Variants in GDPD4 observed in about 807,000 individuals in gnomAD.
GDPD4 encodes the protein glycerophosphodiester phosphodiesterase 6.
In GDPD4, 60 loss-of-function variants were observed where a neutral mutation model predicts 67.8. The ratio of observed to expected loss-of-function variants is 0.88; its 90% CI spans 0.72 to 1.10. The LOEUF (loss-of-function observed/expected upper bound fraction) is 1.10. Among genes scored for constraint, GDPD4 ranks in the 50% least tolerant of loss-of-function variants. The probability of loss-of-function intolerance (pLI) is 0.00; values close to 1 mark genes in which losing one functional copy is unlikely to be tolerated. For missense variants in GDPD4, 623 were observed against 613.9 expected (o/e 1.01, Z -0.16); for synonymous variants, 212 against 210.9 (o/e 1.00, Z -0.04).
At chr11:77,251,024 G>C (rs1958884300) in intron 11 of GDPD4, among the ~76,000 whole-genome samples, 1 of 151,978 alleles carries the variant, frequency 6.6e-6, no homozygotes, top group African/African-American at 2.4e-5. Flanking sequence ...TTCACTTTCT[G>C]TCTGTATGTG....
chr11:77,271,051 C>T (rs990997427), intron 7 of GDPD4, 79 bp downstream of exon 7: 1 of 986,458 alleles, frequency 1.0e-6, no homozygotes, highest in East Asian at 2.4e-5. Flanking sequence ...AGTTCCCAAG[C>T]TTCTGTTTTC....
intron 3 of GDPD4, among the ~76,000 whole-genome samples, chr11:77,283,273 T>C (rs907784353): frequency 2.6e-5 from 4 of 152,208 alleles, no homozygotes; most frequent in Non-Finnish European, 4.4e-5. Context: ...AAAAAGTAGC[T>C]AGGGACCAGT....
chr11:77,281,355 A>G (rs1959744837), intron 3 of GDPD4, among the ~76,000 whole-genome samples: 1 of 152,096 alleles, frequency 6.6e-6, no homozygotes, highest in Non-Finnish European at 1.5e-5. Context: ...AAAAGATACC[A>G]TCGATGGTGG....
At chr11:77,286,731 G>A (rs77503169) in intron 2 of GDPD4, among the ~76,000 whole-genome samples, 11,641 of 152,230 alleles carry the variant, frequency 0.076, 737 homozygotes, top group East Asian at 0.24. Context: ...TAGTCCACGT[G>A]CCACCACTCA....
At position 77,269,971 on chromosome 11, in the gene GDPD4, G is replaced by A; in HGVS notation, c.401-11C>T. 7.0e-7 allele frequency: 1 copy of A among 1,427,996 alleles called. No individual in the cohort carries two copies. The allele number at this position is 1,427,996 out of a possible 1,614,324, so 88.5% of individuals were successfully genotyped here. A position where few individuals can be genotyped will look rare whatever the true frequency, so the allele number is the denominator to read the frequency against. On this transcript the variant is annotated splice_polypyrimidine_tract_variant and intron_variant, in intron 7 of 16. Coordinates refer to ENST00000315938, the MANE Select transcript of GDPD4 (RefSeq NM_182833.3). ...ATCTTCTCATTCTAACTAAAATTTAGAAAGTGAAAAAGAAAAGAGTTCATT... is the reference window on the plus strand; with the variant it reads ...ATCTTCTCATTCTAACTAAAATTTAAAAAGTGAAAAAGAAAAGAGTTCATT...
intron 16 of GDPD4, among the ~76,000 whole-genome samples, chr11:77,222,833 C>T (rs1198946995): frequency 6.6e-6 from 1 of 152,192 alleles, no homozygotes; most frequent in East Asian, 1.9e-4. Context: ...TGTTTTCTAA[C>T]TTGGTTCCAT....
At chr11:77,231,933 G>A (rs1379872571) in intron 14 of GDPD4, among the ~76,000 whole-genome samples, 2 of 152,164 alleles carry the variant, frequency 1.3e-5, no homozygotes, top group African/African-American at 4.8e-5. Context: ...AGAAGTCAGC[G>A]ATTTCTCCTG....
intron 11 of GDPD4, among the ~76,000 whole-genome samples, chr11:77,252,046 G>GTTTT (rs1565523153): frequency 5.8e-5 from 4 of 68,698 alleles, no homozygotes; most frequent in African/African-American, 1.7e-4. Context: ...GGGTTTTTTT[G>GTTTT]TTTGTTTGTT....
intron 16 of GDPD4, among the ~76,000 whole-genome samples, 156 bp from the exon 17 acceptor site, chr11:77,217,470 A>G (rs774754104): frequency 6.8e-4 from 103 of 152,174 alleles, no homozygotes; most frequent in Non-Finnish European, 8.8e-4. Context: ...GCTTTGTGCA[A>G]ACTTTATTAT....
chr11:77,270,283 C>T (rs1281090203), intron 7 of GDPD4, among the ~76,000 whole-genome samples: 2 of 152,166 alleles, frequency 1.3e-5, no homozygotes, highest in Non-Finnish European at 2.9e-5. Context: ...TACACTGGGA[C>T]AAACAATGAA....
rs1183019776 is a variant in GDPD4 at position 77,275,211 on chromosome 11, TA to T, written c.207+949del. Among the ~76,000 whole-genome samples the T allele has an allele frequency of 5.3e-5, 8 of 152,260 alleles. No individual in the cohort carries two copies. The East Asian group carries it at 1.5e-3, about 29-fold the overall frequency. ...TGTCTAATTACTATGTATCAATTTT[TA>T]AAAACCATGCCCAAAAAAGTCTATA... On this transcript the variant is annotated intron_variant, in intron 5 of 16. Transcript: ENST00000315938.
chr11:77,258,549 C>A lies in GDPD4; in HGVS notation c.708-7G>T, dbSNP rs774594681. The A allele has an allele frequency of 3.7e-6, 6 of 1,613,392 alleles. No individual in the cohort carries two copies. The highest frequency in any genetic ancestry group is 1.7e-6 in the Non-Finnish European group (2 of 1,179,576). ...GAAAGGCACATGATCATAACTGAGG[C>A]AGAGGTAGAAAAGAAGGGCAGGGGT... On this transcript the variant is annotated splice_region_variant and splice_polypyrimidine_tract_variant and intron_variant, in intron 10 of 16. Coordinates refer to ENST00000315938, the MANE Select transcript of GDPD4 (RefSeq NM_182833.3).
intron 2 of GDPD4, among the ~76,000 whole-genome samples, chr11:77,285,950 A>G (rs921637221): frequency 2.0e-5 from 3 of 152,216 alleles, no homozygotes; most frequent in Non-Finnish European, 4.4e-5. Context: ...TACGTCCTCC[A>G]CACAATCAAA....
chr11:77,266,759 T>A (rs778663870), intron 10 of GDPD4, among the ~76,000 whole-genome samples: 2 of 152,006 alleles, frequency 1.3e-5, no homozygotes, highest in African/African-American at 4.8e-5. Context: ...TAAAAAAAAA[T>A]TAAAATAGAA....
chr11:77,259,567 C>CAAA (rs58042628), intron 10 of GDPD4, among the ~76,000 whole-genome samples: 1,469 of 143,878 alleles, frequency 0.01, 10 homozygotes, highest in African/African-American at 0.021. Flanking sequence ...CTGAGAAAAG[C>CAAA]AAAAAAAAAA....
At position 77,243,711 on chromosome 11, in the gene GDPD4, C is replaced by T. The variant is rs1958719483; in HGVS notation, c.1224G>A (p.Leu408=). 1 of 1,612,734 alleles carries T rather than the reference C, an allele frequency of 6.2e-7. No individual in the cohort carries two copies. Among genetic ancestry groups the T allele is most frequent in the African/African-American group, 1.3e-5 (1 of 74,898 alleles). ...ISIINVDYKK[L]FPNGLRDYKA... ...ACACTTACCTTAACCCATTAGGGAA[C>T]AACTTCTTGTAGTCAACATTTATTA... The change falls in exon 13 of 17, where the codon TTG becomes TTA. Residue 408 remains leucine (L), a synonymous_variant. Transcript: ENST00000315938.
At chr11:77,260,053 G>A (rs978139542) in intron 10 of GDPD4, among the ~76,000 whole-genome samples, 2 of 152,120 alleles carry the variant, frequency 1.3e-5, no homozygotes, top group Non-Finnish European at 2.9e-5. Flanking sequence ...AGGCGCGGTG[G>A]CTCACGCCTG....
chr11:77,230,322 A>C (rs576198113), intron 14 of GDPD4, among the ~76,000 whole-genome samples: 2 of 152,368 alleles, frequency 1.3e-5, no homozygotes, highest in South Asian at 2.1e-4. Context: ...GTAATAGTGC[A>C]ATGTAATTAG....
In GDPD4 at chr11:77,224,077, G is replaced by A. The variant is rs116599405; in HGVS notation, c.1525+3787C>T. The stretch of plus-strand genomic sequence containing the variant: ...TGCAGTATTAAGGCTGGCGTGTCTC[G>A]ATTTTCCTGGTACAGTCTGTCACGG... On this transcript the variant is annotated intron_variant, in intron 16 of 16. Transcript: ENST00000315938. Among the ~76,000 whole-genome samples the A allele has an allele frequency of 3.6e-3, 541 of 152,252 alleles. 1 individual carries two copies. Among genetic ancestry groups the A allele is most frequent in the African/African-American group, 0.013 (522 of 41,546 alleles).
Sources: allele counts gnomAD v4.1 joint callset (sites outside exome capture counted in the v4.1 genomes callset), GRCh38; gene constraint gnomAD v4.1.1; transcripts MANE v1.5; gene names NCBI Gene and HGNC (gene_info 2026-07-23, HGNC 2026-07-21).